Variants in EIF4G3 observed in about 807,000 individuals in gnomAD.
EIF4G3 encodes eukaryotic translation initiation factor 4 gamma 3.
Under a neutral mutation model 186.4 loss-of-function variants are expected in EIF4G3, and 34 were observed. The ratio of observed to expected loss-of-function variants is 0.18; its 90% CI spans 0.14 to 0.24. The LOEUF is 0.24. EIF4G3 is among the 10% of genes least tolerant of loss of function. The probability of loss-of-function intolerance (pLI) is 1.00; values close to 1 mark genes in which losing one functional copy is unlikely to be tolerated. For synonymous variants in EIF4G3, 673 were observed against 679.5 expected, an observed-to-expected ratio of 0.99 and a Z score of 0.15; for missense variants, 1,536 against 1,948.5, an observed-to-expected ratio of 0.79 and a Z score of 3.99.
At chr1:20,984,405 C>T (rs1180365716) in intron 7 of EIF4G3, among the ~76,000 whole-genome samples, 1 of 151,922 alleles carries the variant, frequency 6.6e-6, no homozygotes, top group Non-Finnish European at 1.5e-5. Context: ...ACCTTGGGAT[C>T]CGCCCACCTT....
At position 20,853,716 on chromosome 1, in the gene EIF4G3, A is replaced by G. The variant is rs556033635; in HGVS notation, c.3434-39T>C. 51 of 1,438,544 alleles carry G rather than the reference A, an allele frequency of 3.5e-5. No homozygotes were observed. In the South Asian group the frequency reaches 5.5e-4, roughly 16 times the overall value. The allele number at this position is 1,438,544 out of a possible 1,614,324, so 89.1% of individuals were successfully genotyped here. On this transcript the variant is annotated intron_variant, in intron 26 of 36. Coordinates refer to ENST00000602326, the MANE Select transcript of EIF4G3 (RefSeq NM_001391906.1). ...GGATTTAGAAAAAAATACAAATCAC[A>G]TGACTAAAATGCAAATAATCAGTCA...
intron 3 of EIF4G3, among the ~76,000 whole-genome samples, chr1:21,066,377 T>C (rs2095243421): frequency 6.6e-6 from 1 of 151,020 alleles, no homozygotes; most frequent in African/African-American, 2.4e-5. Flanking sequence ...AGAATAACAA[T>C]ATACCATTGA....
chr1:21,151,818 TTC>T, intron 2 of EIF4G3, among the ~76,000 whole-genome samples: 1 of 152,234 alleles, frequency 6.6e-6, no homozygotes, highest in East Asian at 1.9e-4. Flanking sequence ...ACAGTCCAGT[TTC>T]TGTTACATTA....
At chr1:20,831,222 T>C (rs1032917999) in intron 30 of EIF4G3, among the ~76,000 whole-genome samples, 2 of 152,168 alleles carry the variant, frequency 1.3e-5, no homozygotes, top group African/African-American at 4.8e-5. Flanking sequence ...ATTTACTGGG[T>C]TTTTGTGTAA....
At chr1:21,023,455 TC>T (rs960069370) in intron 4 of EIF4G3, among the ~76,000 whole-genome samples, 99 of 151,900 alleles carry the variant, frequency 6.5e-4, no homozygotes, top group Non-Finnish European at 1.3e-3. Flanking sequence ...AGACAGGGTT[TC>T]GCTGTGTTGG....
chr1:20,940,020 A>G (rs900861947), intron 14 of EIF4G3, among the ~76,000 whole-genome samples: 1 of 150,986 alleles, frequency 6.6e-6, no homozygotes, highest in Non-Finnish European at 1.5e-5. Flanking sequence ...ATGCCTGGCT[A>G]TTTTTTTTGT....
chr1:21,068,391 A>C (rs866408546), intron 3 of EIF4G3, among the ~76,000 whole-genome samples: 22 of 149,094 alleles, frequency 1.5e-4, no homozygotes, highest in South Asian at 2.1e-4. Flanking sequence ...AAAAAAAAAA[A>C]AAAAAAAAAC....
At chr1:20,816,479 T>A (rs2060955187) in intron 34 of EIF4G3, among the ~76,000 whole-genome samples, 1 of 94,164 alleles carries the variant, frequency 1.1e-5, no homozygotes, top group African/African-American at 4.1e-5. Context: ...AGTCGCCCCG[T>A]CCGGGAGGGA....
rs1384549682 is a variant in EIF4G3, at chr1:20,948,961, ACT to A, written c.823+1040_823+1041del. Among the ~76,000 whole-genome samples the A allele has an allele frequency of 7.1e-5, 10 of 140,752 alleles. No homozygotes were observed. The East Asian group carries it at 2.1e-3, about 29-fold the overall frequency. The allele number at this position is 140,752 out of a possible 152,430, so 92.3% of individuals were successfully genotyped here. A position where few individuals can be genotyped will look rare whatever the true frequency, so the allele number is the denominator to read the frequency against. ...GAGGAGGAGGTTGCAGTGAGTCAAG[ACT>A]CTGTCTCAAAAAAAAAAAAAAAAAA... On this transcript the variant is annotated intron_variant, in intron 13 of 36. Transcript: ENST00000602326.
At chr1:21,151,439 C>T (rs537728321) in intron 2 of EIF4G3, among the ~76,000 whole-genome samples, 7 of 151,792 alleles carry the variant, frequency 4.6e-5, no homozygotes, top group East Asian at 3.9e-4. Context: ...AGGGTTTCAC[C>T]GTGTTAGCCA....
intron 14 of EIF4G3, among the ~76,000 whole-genome samples, chr1:20,927,415 G>C (rs966763538): frequency 6.6e-6 from 1 of 152,192 alleles, no homozygotes; most frequent in Non-Finnish European, 1.5e-5. Context: ...TATTTCTACA[G>C]GTCTTAGACA....
chr1:20,897,749 A>C (rs1222162632), intron 16 of EIF4G3, among the ~76,000 whole-genome samples: 1 of 151,958 alleles, frequency 6.6e-6, no homozygotes, highest in African/African-American at 2.4e-5. Context: ...TAAATTTCAA[A>C]CTGTTTTTTT....
chr1:21,078,611 A>C (rs2095661581), intron 3 of EIF4G3, among the ~76,000 whole-genome samples: 1 of 152,268 alleles, frequency 6.6e-6, no homozygotes, highest in South Asian at 2.1e-4. Context: ...AAATGTTTCT[A>C]ACACAAAAGA....
chr1:21,101,523 T>C (rs559011300), intron 2 of EIF4G3, among the ~76,000 whole-genome samples: 2 of 130,540 alleles, frequency 1.5e-5, no homozygotes, highest in Admixed American at 9.1e-5. Flanking sequence ...TGAGCCGAGA[T>C]TGCACCACTA....
intron 3 of EIF4G3, among the ~76,000 whole-genome samples, chr1:21,077,974 C>CTT (rs1192752655): frequency 6.6e-6 from 1 of 150,926 alleles, no homozygotes; most frequent in Non-Finnish European, 1.5e-5. Context: ...TTAGTAAGGC[C>CTT]ACTAAGGAGA....
chr1:20,981,938 A>C (rs2078383562), intron 8 of EIF4G3, among the ~76,000 whole-genome samples: 1 of 152,204 alleles, frequency 6.6e-6, no homozygotes, highest in Admixed American at 6.5e-5. Context: ...AAAAATTAAA[A>C]GTAGCCTCCT....
chr1:20,816,961 T>C (rs2061152871), intron 34 of EIF4G3, among the ~76,000 whole-genome samples: 1 of 145,150 alleles, frequency 6.9e-6, no homozygotes, highest in Non-Finnish European at 1.5e-5. Context: ...CTGTGCTCTC[T>C]GAAACACGTG....
At chr1:21,058,831 A>G (rs1318101595) in intron 3 of EIF4G3, among the ~76,000 whole-genome samples, 1 of 147,242 alleles carries the variant, frequency 6.8e-6, no homozygotes, top group African/African-American at 2.5e-5. Flanking sequence ...CGCTTCCCAA[A>G]GTGCCAGGAT....
At chr1:20,915,715 C>T (rs866423847) in intron 14 of EIF4G3, among the ~76,000 whole-genome samples, 43 of 152,094 alleles carry the variant, frequency 2.8e-4, no homozygotes, top group African/African-American at 5.5e-4. Context: ...GAAATAAAAA[C>T]GAAATTCCTC....
Sources: gnomAD v4.1 joint callset for allele counts (sites outside exome capture counted in the v4.1 genomes callset) on GRCh38, gnomAD v4.1.1 for gene constraint, MANE v1.5 for transcripts, NCBI Gene and HGNC (gene_info 2026-07-23, HGNC 2026-07-21) for gene names.